The following CEP112 variants were observed in gnomAD, a reference collection of about 807,000 sequenced individuals.
CEP112 encodes the protein centrosomal protein of 112 kDa.
In CEP112, 127 loss-of-function variants were observed where a neutral mutation model predicts 153.0. The ratio of observed to expected loss-of-function variants is 0.83; its 90% CI spans 0.72 to 0.96. The LOEUF (loss-of-function observed/expected upper bound fraction) is 0.96, where lower values mean the gene tolerates loss of function less well. Among genes scored for constraint, CEP112 ranks in the 40% least tolerant of loss-of-function variants. CEP112 has a pLI of 0.00. For missense variants in CEP112, 1,089 were observed against 1,101.2 expected (o/e 0.99, Z 0.16); for synonymous variants, 358 against 374.4 (o/e 0.96, Z 0.51).
intron 19 of CEP112, among the ~76,000 whole-genome samples, chr17:65,918,432 T>C (rs530215895): frequency 5.9e-5 from 9 of 152,352 alleles, no homozygotes; most frequent in African/African-American, 2.2e-4. Flanking sequence ...TGTAAGAAGT[T>C]GGCCCTTCAG....
intron 21 of CEP112, among the ~76,000 whole-genome samples, chr17:65,769,873 A>G (rs1176569790): frequency 6.6e-6 from 1 of 152,076 alleles, no homozygotes; most frequent in Non-Finnish European, 1.5e-5. Flanking sequence ...GTTAGGATGA[A>G]TGGCAACTTC....
At position 65,697,160 on chromosome 17, in the gene CEP112, T is replaced by G. The variant is rs1477916805; in HGVS notation, c.2608-7942A>C. Among the ~76,000 whole-genome samples, 5 of 152,344 alleles carry G rather than the reference T, an allele frequency of 3.3e-5. No homozygotes were observed. The East Asian group carries it at 9.6e-4, about 29-fold the overall frequency. ...ATGTAAGATGATTTTTAAATGTGTGTCATCAAATATTTGTTAAGTTATAAA... is the reference window on the plus strand; with the variant it reads ...ATGTAAGATGATTTTTAAATGTGTGGCATCAAATATTTGTTAAGTTATAAA... On this transcript the variant is annotated intron_variant, in intron 23 of 26. Transcript: ENST00000535342.
At chr17:66,151,993 G>A (rs2071230019) in intron 4 of CEP112, among the ~76,000 whole-genome samples, 1 of 152,174 alleles carries the variant, frequency 6.6e-6, no homozygotes, top group Non-Finnish European at 1.5e-5. Context: ...ATGTTGCCTA[G>A]CACATACTTA....
intron 4 of CEP112, among the ~76,000 whole-genome samples, chr17:66,148,433 T>C (rs2071017178): frequency 6.6e-6 from 1 of 152,226 alleles, no homozygotes. Flanking sequence ...ATGGCATCTG[T>C]AGATTATCTT....
intron 24 of CEP112, among the ~76,000 whole-genome samples, chr17:65,656,638 A>C (rs1441163429): frequency 6.6e-6 from 1 of 152,212 alleles, no homozygotes; most frequent in African/African-American, 2.4e-5. Flanking sequence ...TAGTCTTGAC[A>C]GAGACCTTAT....
intron 4 of CEP112, among the ~76,000 whole-genome samples, chr17:66,155,411 C>T (rs778849997): frequency 3.5e-4 from 53 of 152,104 alleles, no homozygotes; most frequent in Non-Finnish European, 6.8e-4. Flanking sequence ...CAGGAGATTC[C>T]CTTAGGTGCC....
chr17:65,662,905 T>C (rs2143876775), intron 24 of CEP112, among the ~76,000 whole-genome samples: 1 of 152,254 alleles, frequency 6.6e-6, no homozygotes, highest in South Asian at 2.1e-4. Context: ...TTTGCTTTAT[T>C]TCCAACCATA....
At chr17:65,868,195 T>C (rs1426890914) in intron 20 of CEP112, among the ~76,000 whole-genome samples, 1 of 152,110 alleles carries the variant, frequency 6.6e-6, no homozygotes, top group African/African-American at 2.4e-5. Context: ...ATTTTACTTT[T>C]TAATAAAAGA....
chr17:65,659,040 A>AAAAAT (rs1462328087), intron 24 of CEP112, among the ~76,000 whole-genome samples: 1 of 149,718 alleles, frequency 6.7e-6, no homozygotes, highest in African/African-American at 2.5e-5. Flanking sequence ...AAAAAAAAAA[A>AAAAAT]ATATCAGACC....
chr17:65,764,018 C>T (rs1567978119), intron 21 of CEP112, among the ~76,000 whole-genome samples: 1 of 151,994 alleles, frequency 6.6e-6, no homozygotes, highest in African/African-American at 2.4e-5. Flanking sequence ...AAGCCTGTGC[C>T]TCTGGGCTGT....
chr17:65,966,592 G>C (rs772998407), intron 17 of CEP112, among the ~76,000 whole-genome samples: 4 of 152,136 alleles, frequency 2.6e-5, no homozygotes, highest in Non-Finnish European at 5.9e-5. Flanking sequence ...TTTCCAGCTG[G>C]GCTGGAAAAC....
At chr17:65,931,786 C>T (rs1414530866) in intron 18 of CEP112, among the ~76,000 whole-genome samples, 1 of 152,228 alleles carries the variant, frequency 6.6e-6, no homozygotes, top group African/African-American at 2.4e-5. Context: ...CAGAGCAGAG[C>T]ATGTAGTCCA....
chr17:65,969,683 T>C (rs1422695012), intron 17 of CEP112, among the ~76,000 whole-genome samples: 1 of 152,208 alleles, frequency 6.6e-6, no homozygotes, highest in Non-Finnish European at 1.5e-5. Context: ...CATGCATGTG[T>C]ATTGTATGCA....
chr17:65,680,697 T>A (rs528224069), intron 24 of CEP112, among the ~76,000 whole-genome samples: 1 of 152,306 alleles, frequency 6.6e-6, no homozygotes, highest in African/African-American at 2.4e-5. Context: ...GTTCTCACAC[T>A]GCTATAAAGA....
intron 21 of CEP112, among the ~76,000 whole-genome samples, chr17:65,815,831 C>T (rs577605217): frequency 6.6e-6 from 1 of 152,190 alleles, no homozygotes; most frequent in Admixed American, 6.6e-5. Flanking sequence ...TGCATATGGA[C>T]TTGGTACACC....
rs567447472 is a variant in CEP112 at position 65,768,098 on chromosome 17, C to T, written c.2395-17374G>A. Reference sequence around the variant, plus strand: ...CATGTAACATTTGACTACCCCAAAACTTAACTACTAATAGCCAACTGTTGA... The same window carrying T: ...CATGTAACATTTGACTACCCCAAAATTTAACTACTAATAGCCAACTGTTGA... On this transcript the variant is annotated intron_variant, in intron 21 of 26. Coordinates refer to ENST00000535342, the MANE Select transcript of CEP112 (RefSeq NM_001199165.4). Among the ~76,000 whole-genome samples, 4 of 152,206 alleles carry T rather than the reference C, an allele frequency of 2.6e-5. No homozygotes were observed. In the South Asian group the frequency reaches 8.3e-4, roughly 32 times the overall value.
intron 21 of CEP112, among the ~76,000 whole-genome samples, chr17:65,843,079 C>CATG (rs2057584144): frequency 6.6e-6 from 1 of 152,020 alleles, no homozygotes; most frequent in Non-Finnish European, 1.5e-5. Context: ...AAGATTATAA[C>CATG]CCCTGTCATA....
At chr17:66,189,182 T>C (rs2073065321) in intron 1 of CEP112, among the ~76,000 whole-genome samples, 1 of 152,142 alleles carries the variant, frequency 6.6e-6, no homozygotes, top group Non-Finnish European at 1.5e-5. Flanking sequence ...TACATATAAG[T>C]GAGCAATATC....
At chr17:66,123,263 A>G (rs1379994086) in intron 6 of CEP112, among the ~76,000 whole-genome samples, 1 of 152,142 alleles carries the variant, frequency 6.6e-6, no homozygotes, top group Non-Finnish European at 1.5e-5. Flanking sequence ...AGCTGCACTC[A>G]CCAGGAATTT....
Sources: gnomAD v4.1 joint callset for allele counts (sites outside exome capture counted in the v4.1 genomes callset) on GRCh38, gnomAD v4.1.1 for gene constraint, MANE v1.5 for transcripts, NCBI Gene and HGNC (gene_info 2026-07-23, HGNC 2026-07-21) for gene names.